FUT8: variants seen among roughly 807,000 people sequenced by gnomAD.
FUT8 encodes the protein fucosyltransferase 8, also known as alpha-(1,6)-fucosyltransferase.
A neutral mutation model predicts 71.3 loss-of-function variants in FUT8; 29 were observed. The ratio of observed to expected loss-of-function variants is 0.41; its 90% confidence interval spans 0.30 to 0.55. The LOEUF is 0.55. Among genes scored for constraint, FUT8 ranks in the 20% least tolerant of loss-of-function variants. The pLI is 0.34. For synonymous variants in FUT8, 254 were observed against 239.3 expected (o/e 1.06, Z -0.57); for missense variants, 544 against 702.1 (o/e 0.77, Z 2.55).
At chr14:65,498,817 G>A (rs1342891722) in intron 2 of FUT8, among the ~76,000 whole-genome samples, 10 of 152,140 alleles carry the variant, frequency 6.6e-5, no homozygotes, top group Admixed American at 6.6e-4. Flanking sequence ...AGTAGCAGAT[G>A]GAAACAGTAG....
intron 2 of FUT8, among the ~76,000 whole-genome samples, chr14:65,512,907 CAAA>C (rs35280167): frequency 7.1e-5 from 6 of 83,974 alleles, no homozygotes; most frequent in South Asian, 3.7e-4. Context: ...GACTCTGTCT[CAAA>C]AAAAAAAAAA....
intron 3 of FUT8, among the ~76,000 whole-genome samples, chr14:65,592,117 A>G (rs1342728873): frequency 6.6e-6 from 1 of 152,148 alleles, no homozygotes; most frequent in Non-Finnish European, 1.5e-5. Flanking sequence ...AGCTGTATAT[A>G]CAATTGTTTT....
chr14:65,726,354 T>C (rs1895686482), intron 9 of FUT8, among the ~76,000 whole-genome samples: 1 of 152,230 alleles, frequency 6.6e-6, no homozygotes, highest in Admixed American at 6.5e-5. Context: ...ACACTGCTGA[T>C]AGACATACCC....
intron 7 of FUT8, among the ~76,000 whole-genome samples, chr14:65,699,691 A>T (rs960597229): frequency 6.6e-6 from 1 of 152,136 alleles, no homozygotes; most frequent in Non-Finnish European, 1.5e-5. Flanking sequence ...TCTGCTCTTC[A>T]TCTCTTGGCA....
At position 65,660,453 on chromosome 14, in the gene FUT8, A is replaced by G. The variant is rs1366485032; in HGVS notation, c.598-8790A>G. ...AGATAAGCTTTCCTCTTCTATGACC[A>G]TATAGTAACTATCTGCCTTTGCTGC... On this transcript the variant is annotated intron_variant, in intron 6 of 10. Transcript: ENST00000673929. The surrounding 1 kb of genome is among the most constrained non-coding windows in gnomAD (Gnocchi z 4.1). Among the ~76,000 whole-genome samples, 3 of 152,216 alleles carry G rather than the reference A, an allele frequency of 2.0e-5. No homozygotes were observed. The highest frequency in any genetic ancestry group is 6.5e-5 in the Admixed American group (1 of 15,278).
chr14:65,500,934 GCTT>G (rs778357884), intron 2 of FUT8, among the ~76,000 whole-genome samples: 5 of 152,144 alleles, frequency 3.3e-5, no homozygotes, highest in Non-Finnish European at 7.4e-5. Flanking sequence ...CTTAGGTTAT[GCTT>G]CTTCTTTCTT....
intron 1 of FUT8, among the ~76,000 whole-genome samples, chr14:65,428,432 G>C (rs2065420932): frequency 6.6e-6 from 1 of 152,124 alleles, no homozygotes; most frequent in South Asian, 2.1e-4. Flanking sequence ...GAGGGAGCTT[G>C]AACCCCCACT....
At chr14:65,701,569 G>GTGT (rs1894296579) in intron 7 of FUT8, among the ~76,000 whole-genome samples, 1 of 152,138 alleles carries the variant, frequency 6.6e-6, no homozygotes, top group Non-Finnish European at 1.5e-5. Context: ...TAACTAAAAT[G>GTGT]CACCCTAAAT....
intron 1 of FUT8, among the ~76,000 whole-genome samples, chr14:65,434,067 G>A (rs1566744317): frequency 2.6e-5 from 4 of 152,168 alleles, no homozygotes. Flanking sequence ...GCCACAGCAA[G>A]TAAAGAGAGA....
intron 7 of FUT8, among the ~76,000 whole-genome samples, chr14:65,679,303 C>T (rs78450379): frequency 8.9e-4 from 135 of 152,252 alleles, no homozygotes; most frequent in African/African-American, 3.1e-3. Context: ...TAGATTAGAT[C>T]CAGTACCAAC....
chr14:65,517,559 T>G (rs902667607), intron 2 of FUT8, among the ~76,000 whole-genome samples: 1 of 152,192 alleles, frequency 6.6e-6, no homozygotes, highest in African/African-American at 2.4e-5. Context: ...AGTCAACATA[T>G]GCATATTCCA....
At chr14:65,444,729 A>G in intron 1 of FUT8, among the ~76,000 whole-genome samples, 1 of 152,234 alleles carries the variant, frequency 6.6e-6, no homozygotes, top group East Asian at 1.9e-4. Context: ...AAAAAAATAA[A>G]ACTGTAGTGG....
chr14:65,546,561 A>G (rs1276056561), intron 2 of FUT8, among the ~76,000 whole-genome samples: 2 of 151,756 alleles, frequency 1.3e-5, no homozygotes, highest in African/African-American at 2.4e-5. Context: ...TTGTTTATCC[A>G]TTCACCTGCT....
intron 7 of FUT8, among the ~76,000 whole-genome samples, chr14:65,717,593 C>T (rs796530266): frequency 3.6e-5 from 5 of 137,640 alleles, no homozygotes; most frequent in South Asian, 2.4e-4. Flanking sequence ...CCTCACCTCC[C>T]AGACGGGGCG....
At chr14:65,397,930 A>C in the FUT8 span, among the ~76,000 whole-genome samples, 1 of 152,176 alleles carries the variant, frequency 6.6e-6, no homozygotes, top group African/African-American at 2.4e-5. The surrounding 1 kb of genome is among the most constrained non-coding windows in gnomAD (Gnocchi z 4.2). Flanking sequence ...TGGTTTCCTT[A>C]TATGGCATTT....
At chr14:65,374,373 G>A in the FUT8 span, among the ~76,000 whole-genome samples, 1 of 152,092 alleles carries the variant, frequency 6.6e-6, no homozygotes, top group Non-Finnish European at 1.5e-5. Flanking sequence ...GGGAAAAAGG[G>A]GTTTGGATAA....
At chr14:65,628,633 T>C (rs1390327723) in intron 5 of FUT8, among the ~76,000 whole-genome samples, 1 of 152,262 alleles carries the variant, frequency 6.6e-6, no homozygotes, top group African/African-American at 2.4e-5. Context: ...TCATAATTTT[T>C]ATTTAATGCA....
At chr14:65,700,907 T>C (rs931816167) in intron 7 of FUT8, among the ~76,000 whole-genome samples, 2 of 152,212 alleles carry the variant, frequency 1.3e-5, no homozygotes, top group African/African-American at 4.8e-5. Context: ...ATTAGACCAT[T>C]CTTTGATCTG....
At chr14:65,379,472 A>G in the FUT8 span, among the ~76,000 whole-genome samples, 1 of 151,994 alleles carries the variant, frequency 6.6e-6, no homozygotes, top group Non-Finnish European at 1.5e-5. Flanking sequence ...GGAGGTTGCA[A>G]TGAGCCGAGA....
Sources: allele counts gnomAD v4.1 joint callset (sites outside exome capture counted in the v4.1 genomes callset), GRCh38; gene constraint gnomAD v4.1.1; non-coding constraint Gnocchi (gnomAD v3.1); transcripts MANE v1.5; gene names NCBI Gene and HGNC (gene_info 2026-07-23, HGNC 2026-07-21).